FAM13B: variants seen among roughly 807,000 people sequenced by gnomAD.
The protein encoded by FAM13B is family with sequence similarity 13 member B, also known as protein FAM13B.
Under a neutral mutation model 117.3 loss-of-function variants are expected in FAM13B, and 60 were observed. That is an observed-to-expected ratio of 0.51 (90% CI 0.42 to 0.63). The LOEUF (loss-of-function observed/expected upper bound fraction) is 0.63. Among genes scored for constraint, FAM13B ranks in the 30% least tolerant of loss-of-function variants. The probability of loss-of-function intolerance (pLI) is 0.00; values close to 1 mark genes in which losing one functional copy is unlikely to be tolerated. For missense variants in FAM13B, 972 were observed against 1,091.9 expected, an observed-to-expected ratio of 0.89 and a Z score of 1.55; for synonymous variants, 332 against 356.1, an observed-to-expected ratio of 0.93 and a Z score of 0.76.
upstream of FAM13B, among the ~76,000 whole-genome samples, chr5:138,034,309 T>C (rs1182386351): frequency 6.6e-6 from 1 of 152,230 alleles, no homozygotes; most frequent in African/African-American, 2.4e-5. Flanking sequence ...ATGCTTACTA[T>C]GTTCTAGTCT....
intron 1 of FAM13B, among the ~76,000 whole-genome samples, chr5:138,043,434 C>T (rs1211509281): frequency 1.3e-5 from 2 of 148,626 alleles, no homozygotes; most frequent in African/African-American, 2.5e-5. Context: ...TCTTTTTTTT[C>T]TTTCTTTCTT....
At chr5:138,007,504 T>C (rs1782845299) in intron 6 of FAM13B, among the ~76,000 whole-genome samples, 3 of 152,238 alleles carry the variant, frequency 2.0e-5, no homozygotes, top group Admixed American at 2.0e-4. Flanking sequence ...TACAACAGAC[T>C]TTTAATTGAT....
At chr5:137,996,524 TCAGAAA>T (rs965444653) in intron 7 of FAM13B, among the ~76,000 whole-genome samples, 3 of 152,048 alleles carry the variant, frequency 2.0e-5, no homozygotes, top group Admixed American at 2.0e-4. Context: ...AATTGAACCA[TCAGAAA>T]CCAATGAACT....
intron 7 of FAM13B, among the ~76,000 whole-genome samples, chr5:138,003,730 C>G (rs1781842467): frequency 6.6e-6 from 1 of 152,124 alleles, no homozygotes; most frequent in Non-Finnish European, 1.5e-5. Context: ...AGACCCTCTC[C>G]CGACCACCCC....
At chr5:138,044,313 A>G (rs1206972814) in intron 1 of FAM13B, among the ~76,000 whole-genome samples, 2 of 152,240 alleles carry the variant, frequency 1.3e-5, no homozygotes, top group African/African-American at 2.4e-5. Context: ...GCACTTTGGG[A>G]GGCCAAGGTG....
intron 10 of FAM13B, among the ~76,000 whole-genome samples, chr5:137,966,822 T>C (rs1485182933): frequency 6.6e-6 from 1 of 152,154 alleles, no homozygotes; most frequent in African/African-American, 2.4e-5. Context: ...ACCACTTTTA[T>C]TACAAATGTA....
chr5:138,018,636 CTTGTCTAAAAACCTT>C, intron 3 of FAM13B, 122 bp from the exon 4 acceptor site: 1 of 868,308 alleles, frequency 1.2e-6, no homozygotes, highest in East Asian at 2.5e-5. Flanking sequence ...GCTCCCCTGA[CTTGTCTAAAAACCTT>C]CAAATTATAC....
chr5:137,997,274 C>T (rs1316917170), intron 7 of FAM13B, among the ~76,000 whole-genome samples: 1 of 152,060 alleles, frequency 6.6e-6, no homozygotes, highest in African/African-American at 2.4e-5. Context: ...TCAAGGGCAG[C>T]CTGCCCAACA....
chr5:138,030,390 G>A (rs907405675), intron 1 of FAM13B, among the ~76,000 whole-genome samples: 5 of 150,518 alleles, frequency 3.3e-5, no homozygotes, highest in Non-Finnish European at 7.4e-5. Flanking sequence ...GGGACAACAG[G>A]AGCATGCCAC....
At chr5:138,009,740 G>C (rs1282378111) in intron 6 of FAM13B, among the ~76,000 whole-genome samples, 1 of 149,788 alleles carries the variant, frequency 6.7e-6, no homozygotes, top group Non-Finnish European at 1.5e-5. Context: ...GGGAGACAGG[G>C]GTTGCAGTGA....
At chr5:137,951,720 T>C (rs1016874313) in intron 17 of FAM13B, among the ~76,000 whole-genome samples, 1 of 152,126 alleles carries the variant, frequency 6.6e-6, no homozygotes, top group Non-Finnish European at 1.5e-5. Flanking sequence ...CTCACACCTA[T>C]AATCCCAGCA....
At chr5:138,049,130 C>T (rs549939256) in intron 1 of FAM13B, among the ~76,000 whole-genome samples, 7 of 152,040 alleles carry the variant, frequency 4.6e-5, no homozygotes, top group Admixed American at 2.0e-4. Flanking sequence ...TTAGTAGAGA[C>T]GGGATTTTAC....
chr5:138,019,841 G>A (rs192960403), intron 2 of FAM13B: 5,210 of 159,632 alleles, frequency 0.033, 131 homozygotes, highest in Non-Finnish European at 0.052. Flanking sequence ...CACCACGCCC[G>A]GCTAATTTTT....
Position 138,032,914 on chromosome 5 carries a change from G to A in FAM13B, c.-335C>T. 7.1e-6 allele frequency: 7 copies of A among 985,790 alleles called. No individual in the cohort carries two copies. The highest frequency in any genetic ancestry group is 6.0e-6 in the Non-Finnish European group (5 of 830,062). 61.1% of individuals were successfully genotyped at this position (985,790 alleles called of 1,614,324 possible). A position where few individuals can be genotyped will look rare whatever the true frequency, so the allele number is the denominator to read the frequency against. Reference sequence around the variant, plus strand: ...GCCTCTTCCTGGGGCGGCCGCTGACGGGAGGTTAAAGCTACGGCTGTGGCG... The same window carrying A: ...GCCTCTTCCTGGGGCGGCCGCTGACAGGAGGTTAAAGCTACGGCTGTGGCG... On this transcript the variant is annotated 5_prime_UTR_variant, in exon 1 of 24. Transcript: ENST00000689681.
At chr5:137,991,798 C>T (rs1219953195) in intron 7 of FAM13B, among the ~76,000 whole-genome samples, 2 of 151,982 alleles carry the variant, frequency 1.3e-5, no homozygotes, top group Non-Finnish European at 2.9e-5. Flanking sequence ...TAGATCTAAA[C>T]ATGAAAGGTA....
chr5:138,008,757 G>C (rs1020135660), intron 6 of FAM13B, among the ~76,000 whole-genome samples: 33 of 152,174 alleles, frequency 2.2e-4, no homozygotes, highest in Non-Finnish European at 1.2e-4. Flanking sequence ...TAAATGAAGA[G>C]AGTATCCACC....
chr5:138,050,675 C>T (rs1425048019), intron 1 of FAM13B, among the ~76,000 whole-genome samples: 1 of 152,124 alleles, frequency 6.6e-6, no homozygotes, highest in African/African-American at 2.4e-5. Context: ...TAACCTCTCC[C>T]ATACTGTCTA....
chr5:138,018,280 G>GAT, intron 4 of FAM13B, 22 bp downstream of exon 4: 1 of 1,573,322 alleles, frequency 6.4e-7, no homozygotes, highest in South Asian at 1.1e-5. Flanking sequence ...ATGACCAATT[G>GAT]ATAAGTATCA....
chr5:138,002,726 C>T (rs1303518756), intron 7 of FAM13B, among the ~76,000 whole-genome samples: 4 of 126,292 alleles, frequency 3.2e-5, no homozygotes, highest in Non-Finnish European at 4.7e-5. Flanking sequence ...AGTGCAGGGG[C>T]GACATCTCGG....
Sources: allele counts gnomAD v4.1 joint callset (sites outside exome capture counted in the v4.1 genomes callset), GRCh38; gene constraint gnomAD v4.1.1; transcripts MANE v1.5; gene names NCBI Gene and HGNC (gene_info 2026-07-23, HGNC 2026-07-21).